Variants in ANO3 observed in about 807,000 individuals in gnomAD.
ANO3 encodes the protein anoctamin-3.
ANO3 carries 99 observed loss-of-function variants against 144.8 expected under a neutral mutation model. That is an observed-to-expected ratio of 0.68 (90% CI 0.58 to 0.81). ANO3 has a LOEUF of 0.81. ANO3 is among the 30% of genes least tolerant of loss of function. ANO3 has a pLI of 0.00. For missense variants in ANO3, 905 were observed against 1,202.2 expected (o/e 0.75, Z 3.66); for synonymous variants, 414 against 392.6 (o/e 1.05, Z -0.64).
At position 26,547,419 on chromosome 11, in the gene ANO3, A is replaced by G. The variant is rs2663168; in HGVS notation, c.1158A>G (p.Leu386=). ...AAGGATTTGCTTTCTCATGCAGGCTATACTTTGGTGAGAAGATTGGACTAT... is the reference window on the plus strand; with the variant it reads ...AAGGATTTGCTTTCTCATGCAGGCTGTACTTTGGTGAGAAGATTGGACTAT... The part of the protein sequence containing the change: ...YKHQPLDLIR[L]YFGEKIGLYF... Residue 386 remains leucine (L), a synonymous_variant, in exon 12 of 27, where the codon CTA becomes CTG. Transcript: ENST00000256737. 1,109,878 of 1,609,416 alleles carry G rather than the reference A, an allele frequency of 0.69. 384,402 individuals are homozygous for G. Among genetic ancestry groups the G allele is most frequent in the East Asian group, 0.84 (37,652 of 44,716 alleles).
At chr11:26,206,087 C>A (rs977918461) in intron 1 of ANO3, among the ~76,000 whole-genome samples, 2 of 152,186 alleles carry the variant, frequency 1.3e-5, no homozygotes, top group East Asian at 3.9e-4. Context: ...GATTTTATTG[C>A]AGATTTTGAA....
chr11:26,512,874 A>G (rs1332032975), intron 5 of ANO3, among the ~76,000 whole-genome samples: 1 of 152,196 alleles, frequency 6.6e-6, no homozygotes, highest in Non-Finnish European at 1.5e-5. Flanking sequence ...TCTTGTCTCT[A>G]TCACACTGGC....
chr11:26,225,974 A>T (rs1468821282), intron 1 of ANO3, among the ~76,000 whole-genome samples: 5 of 152,162 alleles, frequency 3.3e-5, no homozygotes, highest in African/African-American at 1.2e-4. Flanking sequence ...AAACAGAAGA[A>T]TGACAGATCT....
At chr11:26,319,046 G>C (rs1328388400) in intron 1 of ANO3, among the ~76,000 whole-genome samples, 1 of 151,730 alleles carries the variant, frequency 6.6e-6, no homozygotes, top group Non-Finnish European at 1.5e-5. Context: ...TCAGGGCCAC[G>C]GCTCACTGTA....
At chr11:26,571,202 G>A (rs1251043972) in intron 14 of ANO3, among the ~76,000 whole-genome samples, 1 of 152,030 alleles carries the variant, frequency 6.6e-6, no homozygotes, top group Non-Finnish European at 1.5e-5. Flanking sequence ...TCTCCGAAAG[G>A]AAAGTTCTAG....
chr11:26,306,947 C>T (rs1052262188), upstream of ANO3, among the ~76,000 whole-genome samples: 1 of 152,010 alleles, frequency 6.6e-6, no homozygotes, highest in Admixed American at 6.6e-5. Flanking sequence ...TTTATTGAAG[C>T]TTCAGTCTAC....
chr11:26,323,357 T>C (rs1054634126), intron 1 of ANO3, among the ~76,000 whole-genome samples: 1 of 152,180 alleles, frequency 6.6e-6, no homozygotes, highest in Non-Finnish European at 1.5e-5. Flanking sequence ...TTTTACTGTG[T>C]ATGCATTTTG....
chr11:26,365,280 T>C (rs1320978160), intron 1 of ANO3, among the ~76,000 whole-genome samples: 3 of 152,248 alleles, frequency 2.0e-5, no homozygotes, highest in Non-Finnish European at 4.4e-5. Flanking sequence ...CTGCAAAGAC[T>C]GCTCTCATAG....
intron 1 of ANO3, among the ~76,000 whole-genome samples, chr11:26,254,355 A>C (rs890714302): frequency 3.9e-5 from 6 of 152,198 alleles, no homozygotes; most frequent in African/African-American, 1.4e-4. Context: ...GATACAAAAA[A>C]ATAACATCAG....
At chr11:26,564,758 TA>T (rs1565109133) in intron 14 of ANO3, among the ~76,000 whole-genome samples, 3,704 of 92,884 alleles carry the variant, frequency 0.04, 262 homozygotes, top group Non-Finnish European at 0.06. Context: ...TATATATATA[TA>T]TATATATATA....
intron 18 of ANO3, among the ~76,000 whole-genome samples, chr11:26,629,858 C>T (rs1217699103): frequency 6.6e-6 from 1 of 151,996 alleles, no homozygotes; most frequent in Non-Finnish European, 1.5e-5. Context: ...CTCGAACTGC[C>T]GACCTCAGGT....
intron 1 of ANO3, among the ~76,000 whole-genome samples, chr11:26,281,832 A>G (rs1853685693): frequency 1.3e-5 from 2 of 152,166 alleles, no homozygotes; most frequent in South Asian, 4.1e-4. Flanking sequence ...GTTAAGTTTG[A>G]AGACATTCAG....
At chr11:26,317,308 A>G (rs1237786552) in intron 1 of ANO3, among the ~76,000 whole-genome samples, 1 of 152,108 alleles carries the variant, frequency 6.6e-6, no homozygotes, top group African/African-American at 2.4e-5. Context: ...AGAAACTATC[A>G]TCAGAGTGAG....
chr11:26,430,247 T>TA (rs11439260), intron 1 of ANO3, among the ~76,000 whole-genome samples: 106,061 of 144,710 alleles, frequency 0.73, 39,260 homozygotes, highest in Admixed American at 0.83. Context: ...AGCAACTGTC[T>TA]AAAAAAAAAA....
intron 18 of ANO3, among the ~76,000 whole-genome samples, chr11:26,629,562 G>C (rs574852648): frequency 3.3e-5 from 5 of 152,242 alleles, no homozygotes; most frequent in Admixed American, 6.5e-5. Flanking sequence ...TTTAGACAAC[G>C]TGATAGGGAG....
rs925135462 is a variant in ANO3 at position 26,467,675 on chromosome 11, A to G, written c.432+4527A>G. Among the ~76,000 whole-genome samples the G allele has an allele frequency of 6.8e-5, 10 of 147,510 alleles. No homozygotes were observed. In the Admixed American group the frequency reaches 6.8e-4, roughly 10 times the overall value. On this transcript the variant is annotated intron_variant, in intron 4 of 26. Transcript: ENST00000256737. ...TGTTCCACTTTTTTTTTTTTTATCC[A>G]TTCGCCTGTTGATGGACACTTGGGT... is the stretch of plus-strand genomic sequence containing the variant.
At chr11:26,629,916 C>T (rs1416710715) in intron 18 of ANO3, among the ~76,000 whole-genome samples, 4 of 152,174 alleles carry the variant, frequency 2.6e-5, no homozygotes, top group East Asian at 1.9e-4. Context: ...CAGGCATGAG[C>T]CACTGCACCA....
chr11:26,570,993 G>T (rs1267592675), intron 14 of ANO3, among the ~76,000 whole-genome samples: 2 of 151,966 alleles, frequency 1.3e-5, no homozygotes, highest in African/African-American at 4.8e-5. Context: ...AAATAAAAAA[G>T]AAAAGACTGG....
intron 1 of ANO3, among the ~76,000 whole-genome samples, chr11:26,360,032 C>A (rs2133923302): frequency 6.6e-6 from 1 of 151,798 alleles, no homozygotes; most frequent in South Asian, 2.1e-4. Flanking sequence ...GTTCTAATAT[C>A]TACTTATTCT....
Sources: allele counts gnomAD v4.1 joint callset (sites outside exome capture counted in the v4.1 genomes callset), GRCh38; gene constraint gnomAD v4.1.1; transcripts MANE v1.5; gene names NCBI Gene and HGNC (gene_info 2026-07-23, HGNC 2026-07-21).